WIPF3: variants seen among roughly 807,000 people sequenced by gnomAD.
WIPF3 encodes the protein WAS/WASL-interacting protein family member 3.
WIPF3 carries 33 observed loss-of-function variants against 38.9 expected under a neutral mutation model. The ratio of observed to expected loss-of-function variants is 0.85; its 90% CI spans 0.64 to 1.14. The LOEUF (loss-of-function observed/expected upper bound fraction) is 1.14. WIPF3 is among the 50% of genes most tolerant of loss of function. The pLI is 0.00. For missense variants in WIPF3, 711 were observed against 652.5 expected (o/e 1.09, Z -0.98); for synonymous variants, 324 against 269.3 (o/e 1.20, Z -1.99).
At chr7:29,817,230 A>G (rs914773417) in intron 1 of WIPF3, among the ~76,000 whole-genome samples, 1 of 152,198 alleles carries the variant, frequency 6.6e-6, no homozygotes, top group Non-Finnish European at 1.5e-5. Context: ...TATAGAGAAG[A>G]TAAAACAGCC....
At chr7:29,810,009 CA>C (rs1360665531) in intron 1 of WIPF3, among the ~76,000 whole-genome samples, 1 of 152,116 alleles carries the variant, frequency 6.6e-6, no homozygotes, top group Non-Finnish European at 1.5e-5. Context: ...TAGCCAGTCT[CA>C]GTGCTTGAGT....
chr7:29,907,052 C>T (rs756982703), intron 8 of WIPF3, among the ~76,000 whole-genome samples: 9 of 152,202 alleles, frequency 5.9e-5, no homozygotes, highest in East Asian at 1.9e-4. Context: ...TGAAAGGACA[C>T]GAAACAGTAA....
chr7:29,820,379 G>C (rs73303114), intron 1 of WIPF3, among the ~76,000 whole-genome samples: 2,480 of 152,100 alleles, frequency 0.016, 71 homozygotes, highest in African/African-American at 0.057. Context: ...TAATATGTGA[G>C]CTCTGCCTAT....
chr7:29,818,169 C>T (rs928512922), intron 1 of WIPF3, among the ~76,000 whole-genome samples: 2 of 151,910 alleles, frequency 1.3e-5, no homozygotes, highest in African/African-American at 2.4e-5. Context: ...AATAATTTTC[C>T]GGCCAGGCAC....
chr7:29,863,665 C>T (rs1011073450), intron 2 of WIPF3, among the ~76,000 whole-genome samples: 1 of 152,198 alleles, frequency 6.6e-6, no homozygotes, highest in Admixed American at 6.5e-5. Context: ...CTGGGAAGAA[C>T]TGACATCTTT....
chr7:29,824,469 G>T (rs771993152), intron 1 of WIPF3, among the ~76,000 whole-genome samples: 25 of 152,080 alleles, frequency 1.6e-4, no homozygotes, highest in Middle Eastern at 3.4e-3. Context: ...ACACAGTTTT[G>T]CAGGTTAACA....
chr7:29,902,248 A>T (rs1410450467), intron 7 of WIPF3, among the ~76,000 whole-genome samples: 1 of 132,380 alleles, frequency 7.6e-6, no homozygotes, highest in Non-Finnish European at 1.6e-5. Context: ...GGGGCTGTAT[A>T]TTAGTGTTTT....
At chr7:29,826,643 T>G (rs1437093171) in intron 1 of WIPF3, among the ~76,000 whole-genome samples, 1 of 152,240 alleles carries the variant, frequency 6.6e-6, no homozygotes, top group Non-Finnish European at 1.5e-5. Context: ...CATTTATTCT[T>G]AGTATTACTT....
chr7:29,905,629 A>C (rs1444512583), intron 8 of WIPF3: 3 of 142,078 alleles, frequency 2.1e-5, no homozygotes, highest in Admixed American at 2.1e-4. Flanking sequence ...AGGTGGGCAC[A>C]AAAAAAAAAC....
intron 2 of WIPF3, among the ~76,000 whole-genome samples, chr7:29,836,327 A>G (rs1039961222): frequency 6.6e-6 from 1 of 152,256 alleles, no homozygotes; most frequent in Non-Finnish European, 1.5e-5. Flanking sequence ...ATTTAGCCAG[A>G]ATAAATAAAC....
rs541988716 is a variant in WIPF3, at chr7:29,885,502, A to G, written c.1099+909A>G. Among the ~76,000 whole-genome samples, 31 of 152,330 alleles carry G rather than the reference A, an allele frequency of 2.0e-4. 1 individual carries two copies. The South Asian group carries it at 6.2e-3, about 31-fold the overall frequency. ...CTTAAAAATAACGCAAGCTTGTTGC[A>G]GAGCTAATAGACGGAAATTCAAACT... is the stretch of plus-strand genomic sequence containing the variant. On this transcript the variant is annotated intron_variant, in intron 5 of 8. Transcript: ENST00000242140.
At chr7:29,856,932 G>T (rs1418296275) in intron 2 of WIPF3, among the ~76,000 whole-genome samples, 1 of 151,956 alleles carries the variant, frequency 6.6e-6, no homozygotes, top group South Asian at 2.1e-4. Flanking sequence ...CTATTTTTTC[G>T]CAAATCACTA....
intron 1 of WIPF3, among the ~76,000 whole-genome samples, chr7:29,814,986 G>A (rs1002082776): frequency 1.3e-5 from 2 of 152,162 alleles, no homozygotes; most frequent in Admixed American, 1.3e-4. Flanking sequence ...ACAACCAAAA[G>A]TGTACTTTCT....
intron 8 of WIPF3, chr7:29,912,390 CAG>C (rs1248314856): frequency 6.6e-6 from 1 of 152,262 alleles, no homozygotes; most frequent in African/African-American, 2.4e-5. Context: ...ATATAAAAAA[CAG>C]AATTACCATA....
intron 2 of WIPF3, among the ~76,000 whole-genome samples, chr7:29,841,438 G>A (rs1784911932): frequency 6.6e-6 from 1 of 152,332 alleles, no homozygotes; most frequent in East Asian, 1.9e-4. Context: ...AGCAAAGCCA[G>A]ACGGGCTCTC....
At chr7:29,830,634 A>G (rs1318548423) in intron 1 of WIPF3, among the ~76,000 whole-genome samples, 1 of 151,710 alleles carries the variant, frequency 6.6e-6, no homozygotes, top group Non-Finnish European at 1.5e-5. Context: ...AAAAAAAAAA[A>G]AAGAAAGAAA....
chr7:29,915,817 G>C lies in WIPF3; in HGVS notation c.*1301G>C, dbSNP rs1041714630. On this transcript the variant is annotated 3_prime_UTR_variant, in exon 9 of 9. Transcript: ENST00000242140. ...GAGAAAAAATAGAAGGAAACAGACT[G>C]ATCCCTGGGCTGTGCTCAAAATAGC... is the stretch of plus-strand genomic sequence containing the variant. 7.2e-5 allele frequency: 11 copies of C among 152,240 alleles called. No homozygotes were observed. The highest frequency in any genetic ancestry group is 3.9e-4 in the Admixed American group (6 of 15,282). The allele number at this position is 152,240 out of a possible 1,614,324, so 9.4% of individuals were successfully genotyped here.
chr7:29,888,510 C>CGTGTGTGTGTGTGT (rs1295673715), intron 6 of WIPF3, among the ~76,000 whole-genome samples: 33 of 147,810 alleles, frequency 2.2e-4, no homozygotes, highest in Admixed American at 2.0e-3. Context: ...CGTGTGTGTG[C>CGTGTGTGTGTGTGT]GTGTGTGTGT....
chr7:29,828,417 C>A (rs1583593381), intron 1 of WIPF3, among the ~76,000 whole-genome samples: 1 of 152,084 alleles, frequency 6.6e-6, no homozygotes, highest in Non-Finnish European at 1.5e-5. Context: ...CCCGTACCCT[C>A]ACCCTGGAAT....
Sources: gnomAD v4.1 joint callset for allele counts (sites outside exome capture counted in the v4.1 genomes callset) on GRCh38, gnomAD v4.1.1 for gene constraint, MANE v1.5 for transcripts, NCBI Gene and HGNC (gene_info 2026-07-23, HGNC 2026-07-21) for gene names.